TECRL: variants seen among roughly 807,000 people sequenced by gnomAD.
TECRL encodes trans-2,3-enoyl-CoA reductase-like.
TECRL carries 63 observed loss-of-function variants against 52.8 expected under a neutral mutation model. The observed-to-expected ratio is 1.19, with a 90% confidence interval of 0.97 to 1.47. The LOEUF is 1.47. TECRL is among the 40% of genes most tolerant of loss of function. TECRL has a pLI of 0.00. For synonymous variants in TECRL, 164 were observed against 141.9 expected (o/e 1.16, Z -1.10); for missense variants, 482 against 429.6 (o/e 1.12, Z -1.08).
chr4:64,409,185 T>G lies in TECRL; in HGVS notation c.167A>C (p.Lys56Thr), dbSNP rs1029931574. ...LRPTPAVKHSKTTHFEIEIFD... is the reference protein window; with the variant it reads ...LRPTPAVKHSTTTHFEIEIFD... ...TATTTCAATCTCAAAGTGAGTCGTT[T>G]TTGAATGTTTGACTGCTGGAGTTGG... is the stretch of plus-strand genomic sequence containing the variant. Residue 56 changes from lysine (K) to threonine (T), a missense_variant, in exon 1 of 12, where the codon AAA becomes ACA. By Grantham distance (78) the Lys-to-Thr change is moderately conservative (BLOSUM62 -1). Coordinates refer to ENST00000381210, the MANE Select transcript of TECRL (RefSeq NM_001010874.5). 4.2e-5 allele frequency: 67 copies of G among 1,613,558 alleles called. No homozygotes were observed. Among genetic ancestry groups the G allele is most frequent in the Non-Finnish European group, 5.7e-5 (67 of 1,179,774 alleles).
chr4:64,354,214 T>G (rs1180460849), intron 2 of TECRL, among the ~76,000 whole-genome samples: 1 of 151,992 alleles, frequency 6.6e-6, no homozygotes, highest in Non-Finnish European at 1.5e-5. Flanking sequence ...TTGGAAAAAT[T>G]TTGATAAAAG....
chr4:64,386,120 G>A (rs991077231), intron 1 of TECRL, among the ~76,000 whole-genome samples: 2 of 152,026 alleles, frequency 1.3e-5, no homozygotes, highest in Admixed American at 6.6e-5. Context: ...TTCCCCAAAA[G>A]CTTGATTACT....
In TECRL at chr4:64,322,453, T is replaced by TA. The variant is rs77102922; in HGVS notation, c.435+235dup. Reference sequence around the variant, plus strand: ...TCCCAGTAATAGAGTGGGTTGACTTTAAAAAAAAAAAAAAAAAAAAAAGGA... The same window carrying TA: ...TCCCAGTAATAGAGTGGGTTGACTTTAAAAAAAAAAAAAAAAAAAAAAAGGA... On this transcript the variant is annotated intron_variant, in intron 4 of 11. Coordinates refer to ENST00000381210, the MANE Select transcript of TECRL (RefSeq NM_001010874.5). Among the ~76,000 whole-genome samples the TA allele has an allele frequency of 0.043, 4,918 of 114,562 alleles. 185 individuals are homozygous for TA. Among genetic ancestry groups the TA allele is most frequent in the African/African-American group, 0.1 (3,219 of 30,894 alleles). 75.2% of individuals were successfully genotyped at this position (114,562 alleles called of 152,430 possible). A position where few individuals can be genotyped will look rare whatever the true frequency, so the allele number is the denominator to read the frequency against.
In TECRL at chr4:64,377,129, ACT is replaced by A. The variant is rs1370723066; in HGVS notation, c.235-1908_235-1907del. On this transcript the variant is annotated intron_variant, in intron 1 of 11. Coordinates refer to ENST00000381210, the MANE Select transcript of TECRL (RefSeq NM_001010874.5). ...CATGTGGAATAGGGATGTATTATACACTCTTAACATTTCTAAAAATTTTCATT... is the reference window on the plus strand; with the variant it reads ...CATGTGGAATAGGGATGTATTATACACTTAACATTTCTAAAAATTTTCATT... 2.6e-5 allele frequency among the ~76,000 whole-genome samples: 4 copies of A among 151,940 alleles called. No homozygotes were observed. The East Asian group carries it at 5.8e-4, about 22-fold the overall frequency.
chr4:64,379,655 C>A (rs1239823523), intron 1 of TECRL, among the ~76,000 whole-genome samples: 2 of 152,088 alleles, frequency 1.3e-5, no homozygotes, highest in African/African-American at 4.8e-5. Context: ...CCAGCCTCTG[C>A]TAAATATTAT....
intron 6 of TECRL, 63 bp downstream of exon 6, chr4:64,309,763 T>C: frequency 9.3e-7 from 1 of 1,069,748 alleles, no homozygotes; most frequent in Non-Finnish European, 1.4e-6. Flanking sequence ...TGATTAAATA[T>C]TTTGCAAAGG....
At chr4:64,302,101 T>C (rs1390819376) in intron 7 of TECRL, among the ~76,000 whole-genome samples, 1 of 151,336 alleles carries the variant, frequency 6.6e-6, no homozygotes, top group African/African-American at 2.4e-5. Context: ...ATTAAAATGT[T>C]CCTGCCATTG....
intron 1 of TECRL, among the ~76,000 whole-genome samples, chr4:64,405,277 G>T (rs908317242): frequency 6.6e-6 from 1 of 152,116 alleles, no homozygotes; most frequent in Non-Finnish European, 1.5e-5. Context: ...TAACAGGCTA[G>T]TTCTTGTTGT....
intron 1 of TECRL, among the ~76,000 whole-genome samples, chr4:64,400,190 T>C (rs1183982418): frequency 2.9e-4 from 44 of 152,318 alleles, no homozygotes; most frequent in Non-Finnish European, 5.9e-5. Context: ...GAGATTATTC[T>C]GGAGCTTTAA....
chr4:64,298,049 T>A (rs1415180082), intron 8 of TECRL, among the ~76,000 whole-genome samples: 1 of 151,150 alleles, frequency 6.6e-6, no homozygotes, highest in Non-Finnish European at 1.5e-5. Context: ...TTAAGAAAGG[T>A]TTTCACCTAT....
intron 1 of TECRL, among the ~76,000 whole-genome samples, chr4:64,383,318 G>A (rs776678661): frequency 2.0e-5 from 3 of 151,966 alleles, no homozygotes; most frequent in Non-Finnish European, 4.4e-5. Flanking sequence ...TTGCAAGATG[G>A]GAAATTTCAG....
At chr4:64,299,264 T>C (rs1397981881) in intron 8 of TECRL, 1 of 151,064 alleles carries the variant, frequency 6.6e-6, no homozygotes, top group Non-Finnish European at 1.5e-5. Context: ...ATTAAAATGG[T>C]TAGAAATAAG....
At chr4:64,300,884 A>G (rs1723980694) in intron 7 of TECRL, among the ~76,000 whole-genome samples, 1 of 151,046 alleles carries the variant, frequency 6.6e-6, no homozygotes, top group Non-Finnish European at 1.5e-5. Flanking sequence ...CTCTTAAAAC[A>G]TTAATCATAG....
At chr4:64,299,944 T>C (rs1227185956) in intron 8 of TECRL, 30 bp downstream of exon 8, 2 of 1,444,544 alleles carry the variant, frequency 1.4e-6, no homozygotes, top group African/African-American at 2.8e-5. Flanking sequence ...AATTAGAGCG[T>C]GAATAGCAAA....
intron 6 of TECRL, among the ~76,000 whole-genome samples, chr4:64,307,314 A>T (rs536593965): frequency 2.6e-4 from 40 of 152,258 alleles, no homozygotes; most frequent in African/African-American, 9.4e-4. Context: ...GAAGAAATAG[A>T]TCTGTGGGAC....
intron 2 of TECRL, among the ~76,000 whole-genome samples, chr4:64,330,815 T>A (rs1397987069): frequency 6.6e-6 from 1 of 152,136 alleles, no homozygotes; most frequent in Non-Finnish European, 1.5e-5. Flanking sequence ...TAACTAAATT[T>A]GAAGCATGCA....
At chr4:64,348,948 T>G (rs538097159) in intron 2 of TECRL, among the ~76,000 whole-genome samples, 32 of 151,958 alleles carry the variant, frequency 2.1e-4, no homozygotes, top group Admixed American at 1.3e-3. Flanking sequence ...CTTGGATTCT[T>G]CAGGATACAA....
Position 64,319,175 on chromosome 4 carries a change from G to A in TECRL, c.435+3514C>T, listed in dbSNP as rs573935994. Among the ~76,000 whole-genome samples the A allele has an allele frequency of 4.0e-5, 6 of 151,328 alleles. No individual in the cohort carries two copies. In the East Asian group the frequency reaches 1.2e-3, roughly 29 times the overall value. On this transcript the variant is annotated intron_variant, in intron 4 of 11. Coordinates refer to ENST00000381210, the MANE Select transcript of TECRL (RefSeq NM_001010874.5). ...GATATAAATACCAAAATAACACAAA[G>A]GTAATAGAAAAGACAGCATGACAAT... is the stretch of plus-strand genomic sequence containing the variant.
At chr4:64,321,433 A>G (rs1462023888) in intron 4 of TECRL, among the ~76,000 whole-genome samples, 1 of 152,162 alleles carries the variant, frequency 6.6e-6, no homozygotes, top group South Asian at 2.1e-4. Flanking sequence ...AAAAATATTA[A>G]AAGTAATCAC....
Sources: allele counts gnomAD v4.1 joint callset (sites outside exome capture counted in the v4.1 genomes callset), GRCh38; gene constraint gnomAD v4.1.1; transcripts MANE v1.5; gene names NCBI Gene and HGNC (gene_info 2026-07-23, HGNC 2026-07-21).